AGBL1: variants seen among roughly 807,000 people sequenced by gnomAD.
The protein encoded by AGBL1 is cytosolic carboxypeptidase 4.
A neutral mutation model predicts 118.9 loss-of-function variants in AGBL1; 130 were observed. The ratio of observed to expected loss-of-function variants is 1.09; its 90% CI spans 0.95 to 1.26. The LOEUF is 1.26. AGBL1 is among the 50% of genes most tolerant of loss of function. The pLI is 0.00. For missense variants in AGBL1, 1,584 were observed against 1,298.1 expected (o/e 1.22, Z -3.38); for synonymous variants, 555 against 478.9 (o/e 1.16, Z -2.08).
intron 18 of AGBL1, among the ~76,000 whole-genome samples, chr15:86,445,629 T>C (rs778753472): frequency 6.6e-6 from 1 of 152,228 alleles, no homozygotes; most frequent in African/African-American, 2.4e-5. Context: ...TGCCTTCCAC[T>C]CTAGACCTAC....
chr15:86,429,444 A>G (rs1462697684), intron 18 of AGBL1, among the ~76,000 whole-genome samples: 1 of 152,256 alleles, frequency 6.6e-6, no homozygotes, highest in African/African-American at 2.4e-5. Context: ...AAGTTTTAAA[A>G]AATGCATTGA....
Position 86,652,911 on chromosome 15 carries a change from C to G in AGBL1, c.2995-21362C>G, listed in dbSNP as rs747556547. Among the ~76,000 whole-genome samples the G allele has an allele frequency of 2.0e-5, 3 of 152,078 alleles. 1 individual carries two copies. Among genetic ancestry groups the G allele is most frequent in the Non-Finnish European group, 4.4e-5 (3 of 68,020 alleles). On this transcript the variant is annotated intron_variant, in intron 21 of 22. Transcript: ENST00000614907. ...AACTAGGTACGGATGCAATGGGCAT[C>G]AAATGAGGAGAAGTCAAGGATGTTG...
At chr15:86,762,300 C>T (rs1045615500) in intron 22 of AGBL1, among the ~76,000 whole-genome samples, 1 of 151,918 alleles carries the variant, frequency 6.6e-6, no homozygotes, top group African/African-American at 2.4e-5. Context: ...TTGACAGGTG[C>T]AGTAAACCAC....
chr15:86,208,821 C>G (rs769247213), intron 5 of AGBL1, among the ~76,000 whole-genome samples: 1 of 152,140 alleles, frequency 6.6e-6, no homozygotes, highest in South Asian at 2.1e-4. Context: ...CTATCTCCTT[C>G]GGTTCTGCTC....
chr15:86,811,704 A>G (rs891232360), intron 22 of AGBL1, among the ~76,000 whole-genome samples: 2 of 152,162 alleles, frequency 1.3e-5, no homozygotes, highest in Non-Finnish European at 2.9e-5. Context: ...CAGTCCCAAG[A>G]TGTTTGAAAT....
chr15:86,137,579 A>ATT (rs2076905905), intron 1 of AGBL1, among the ~76,000 whole-genome samples: 1 of 152,042 alleles, frequency 6.6e-6, no homozygotes, highest in South Asian at 2.1e-4. Flanking sequence ...CACAGGAAAT[A>ATT]TTTTTTGTGT....
chr15:86,558,568 A>G (rs2083770049), intron 21 of AGBL1, among the ~76,000 whole-genome samples: 1 of 152,210 alleles, frequency 6.6e-6, no homozygotes, highest in Non-Finnish European at 1.5e-5. Context: ...AAATCTCAGC[A>G]TCTCAGAGGC....
At chr15:86,379,341 T>C (rs949543494) in intron 17 of AGBL1, among the ~76,000 whole-genome samples, 1 of 152,196 alleles carries the variant, frequency 6.6e-6, no homozygotes, top group Non-Finnish European at 1.5e-5. Context: ...AATACGATAA[T>C]ATCCACTCTT....
intron 16 of AGBL1, among the ~76,000 whole-genome samples, chr15:86,291,625 T>C (rs2079546269): frequency 6.6e-6 from 1 of 152,222 alleles, no homozygotes; most frequent in Non-Finnish European, 1.5e-5. Flanking sequence ...TACTTTGTCC[T>C]AGTAACTCCT....
rs190574014 is a variant in AGBL1 at position 86,301,233 on chromosome 15, G to A, written c.2374+5825G>A. Among the ~76,000 whole-genome samples, 332 of 152,164 alleles carry A rather than the reference G, an allele frequency of 2.2e-3. 1 individual carries two copies. Among genetic ancestry groups the A allele is most frequent in the African/African-American group, 7.7e-3 (320 of 41,504 alleles). ...GGACAAGTATCACTATGGGATTACT[G>A]AATTTTAGAGCTTAACAATCCATAA... On this transcript the variant is annotated intron_variant, in intron 17 of 22. Transcript: ENST00000614907.
intron 17 of AGBL1, among the ~76,000 whole-genome samples, chr15:86,298,820 A>T (rs141691925): frequency 7.9e-5 from 12 of 152,260 alleles, no homozygotes; most frequent in Middle Eastern, 3.4e-3. Flanking sequence ...ATGAAATAAG[A>T]CCACGGCTAT....
intron 24 of AGBL1, among the ~76,000 whole-genome samples, chr15:87,018,789 T>A (rs6496386): frequency 0.47 from 71,161 of 151,904 alleles, 19,515 homozygotes; most frequent in African/African-American, 0.76. Context: ...GCTTAAATGT[T>A]AATAGGCAAA....
intron 22 of AGBL1, among the ~76,000 whole-genome samples, chr15:86,785,297 G>A (rs7176641): frequency 0.38 from 57,107 of 151,332 alleles, 12,569 homozygotes; most frequent in Non-Finnish European, 0.52. Context: ...GCTGACCGTC[G>A]GAATCCTTTA....
intron 18 of AGBL1, among the ~76,000 whole-genome samples, chr15:86,448,817 G>A (rs147474048): frequency 2.6e-5 from 4 of 152,216 alleles, no homozygotes; most frequent in East Asian, 3.9e-4. Context: ...GAGTTACTAT[G>A]GGACTTAGTG....
At chr15:87,019,979 A>T (rs778334634) in intron 24 of AGBL1, among the ~76,000 whole-genome samples, 1 of 152,042 alleles carries the variant, frequency 6.6e-6, no homozygotes, top group Non-Finnish European at 1.5e-5. Context: ...AATACTATAA[A>T]CTCCTCTATG....
chr15:86,990,138 A>G (rs762702316), intron 24 of AGBL1, among the ~76,000 whole-genome samples: 1 of 152,224 alleles, frequency 6.6e-6, no homozygotes, highest in Non-Finnish European at 1.5e-5. Context: ...AAAGCGTATA[A>G]GAAAGCAAAA....
chr15:86,817,650 C>CACACAG (rs1567188596), intron 22 of AGBL1, among the ~76,000 whole-genome samples: 1 of 139,256 alleles, frequency 7.2e-6, no homozygotes, highest in South Asian at 2.6e-4. Context: ...CACACACAGA[C>CACACAG]ACACACACAC....
In AGBL1 at chr15:86,102,780, G is replaced by T. The variant is rs191973277; in HGVS notation, c.51+22757G>T. ...GCTGTGGAGAAGATGTTTTTGAATT[G>T]TATCTATTTGGGGATCTCTAAGCTT... On this transcript the variant is annotated intron_variant, in intron 1 of 22. Coordinates refer to ENST00000614907, the MANE Select transcript of AGBL1 (RefSeq NM_001386094.1). 1.5e-3 allele frequency among the ~76,000 whole-genome samples: 228 copies of T among 152,194 alleles called. 1 individual carries two copies. Among genetic ancestry groups the T allele is most frequent in the African/African-American group, 5.2e-3 (216 of 41,526 alleles).
intron 18 of AGBL1, among the ~76,000 whole-genome samples, chr15:86,452,888 G>T (rs896055619): frequency 6.6e-5 from 10 of 152,078 alleles, no homozygotes; most frequent in Non-Finnish European, 1.5e-5. Context: ...CCCGCTGCTG[G>T]AATTGCTCTT....
Sources: gnomAD v4.1 joint callset for allele counts (sites outside exome capture counted in the v4.1 genomes callset) on GRCh38, gnomAD v4.1.1 for gene constraint, MANE v1.5 for transcripts, NCBI Gene and HGNC (gene_info 2026-07-23, HGNC 2026-07-21) for gene names.